The following GRIK2 variants were observed in gnomAD, a reference collection of about 807,000 sequenced individuals.
GRIK2 encodes the protein glutamate receptor ionotropic, kainate 2.
A neutral mutation model predicts 100.3 loss-of-function variants in GRIK2; 32 were observed. That is an observed-to-expected ratio of 0.32 (90% CI 0.24 to 0.43). The LOEUF is 0.43. Among genes scored for constraint, GRIK2 ranks in the 20% least tolerant of loss-of-function variants. The pLI is 1.00. For synonymous variants in GRIK2, 417 were observed against 389.4 expected (o/e 1.07, Z -0.83); for missense variants, 843 against 1,114.9 (o/e 0.76, Z 3.47).
chr6:101,475,938 A>C (rs1772205088), intron 2 of GRIK2, among the ~76,000 whole-genome samples: 1 of 152,064 alleles, frequency 6.6e-6, no homozygotes, highest in Non-Finnish European at 1.5e-5. Context: ...GATGCTAGGT[A>C]AATATATACA....
At chr6:101,846,250 G>C (rs1042834346) in intron 10 of GRIK2, among the ~76,000 whole-genome samples, 3 of 151,970 alleles carry the variant, frequency 2.0e-5, no homozygotes, top group Non-Finnish European at 4.4e-5. Flanking sequence ...AAATCATGAA[G>C]TCTTACCTAT....
rs1057455407 is a variant in GRIK2, at chr6:101,626,402, G to C, written c.306G>C (p.Gly102=). 66 of 1,612,762 alleles carry C rather than the reference G, an allele frequency of 4.1e-5. No homozygotes were observed. The highest frequency in any genetic ancestry group is 5.6e-5 in the Non-Finnish European group (66 of 1,179,738). ...SKKACDQLSL[G]VAAIFGPSHS... is the part of the protein sequence containing the mutation. ...CAGCCTGTGATCAGCTGTCTCTTGG[G>C]GTGGCTGCCATCTTCGGGCCTTCAC... The change falls in exon 4 of 17, where the codon GGG becomes GGC. Residue 102 remains glycine, a synonymous_variant. Transcript: ENST00000369134.
At chr6:102,031,118 CA>C (rs1562124534) in intron 14 of GRIK2, among the ~76,000 whole-genome samples, 41 of 130,026 alleles carry the variant, frequency 3.2e-4, no homozygotes, top group African/African-American at 1.1e-3. Flanking sequence ...CACACACACA[CA>C]CACACACACC....
Position 102,006,390 on chromosome 6 carries a change from A to ATATATATTTTTTTTT in GRIK2, c.2086-28950_2086-28949insATATATTTTTTTTTT, listed in dbSNP as rs1315524835. Reference sequence around the variant, plus strand: ...CTTTTATATATATATATATATATATATTTTTTTTTTTTTTGAGACATACAG... The same window carrying ATATATATTTTTTTTT: ...CTTTTATATATATATATATATATATATATATATTTTTTTTTTTTTTTTTTTTTTTGAGACATACAG... On this transcript the variant is annotated intron_variant, in intron 14 of 16. Transcript: ENST00000369134. 4.2e-4 allele frequency among the ~76,000 whole-genome samples: 48 copies of ATATATATTTTTTTTT among 114,094 alleles called. 1 individual carries two copies. Among genetic ancestry groups the ATATATATTTTTTTTT allele is most frequent in the African/African-American group, 1.5e-3 (32 of 21,908 alleles). The allele number at this position is 114,094 out of a possible 152,430, so 74.9% of individuals were successfully genotyped here. A position where few individuals can be genotyped will look rare whatever the true frequency, so the allele number is the denominator to read the frequency against.
Position 101,402,883 on chromosome 6 carries a change from T to G in GRIK2, c.115+3491T>G, listed in dbSNP as rs193184774. ...CGTCCCGGCCTTGCCCGCCCCAGGA[T>G]AGGGTGAAGGCGGGACTCTTCCGTC... On this transcript the variant is annotated intron_variant, in intron 2 of 16. Transcript: ENST00000369134. Among the ~76,000 whole-genome samples the G allele has an allele frequency of 6.8e-4, 103 of 152,276 alleles. 2 individuals carry two copies. The East Asian group carries it at 0.013, about 20-fold the overall frequency.
intron 7 of GRIK2, among the ~76,000 whole-genome samples, chr6:101,750,372 T>C (rs1776712032): frequency 6.6e-6 from 1 of 152,168 alleles, no homozygotes; most frequent in South Asian, 2.1e-4. Context: ...TTGTGATGTG[T>C]CCATGATGCT....
At chr6:101,797,632 T>C (rs1205406422) in intron 7 of GRIK2, among the ~76,000 whole-genome samples, 5 of 147,908 alleles carry the variant, frequency 3.4e-5, no homozygotes, top group African/African-American at 1.2e-4. Context: ...TCTGTACATA[T>C]ATTTATAAAG....
At chr6:102,040,400 C>A (rs1368605760) in intron 15 of GRIK2, among the ~76,000 whole-genome samples, 1 of 151,254 alleles carries the variant, frequency 6.6e-6, no homozygotes, top group Non-Finnish European at 1.5e-5. Context: ...ATTAATAATC[C>A]TCAAGTAACT....
intron 5 of GRIK2, 82 bp from the exon 6 acceptor site, chr6:101,682,471 A>C: frequency 1.4e-6 from 1 of 735,824 alleles, no homozygotes; most frequent in Non-Finnish European, 2.5e-6. Context: ...ATCACATCCT[A>C]CTATATTTTG....
intron 4 of GRIK2, among the ~76,000 whole-genome samples, chr6:101,670,659 G>T (rs1404282910): frequency 6.6e-6 from 1 of 152,058 alleles, no homozygotes; most frequent in East Asian, 1.9e-4. Context: ...CTTTGGCAAT[G>T]AGTTAATTTC....
chr6:101,604,513 G>A (rs1031052864), intron 2 of GRIK2, among the ~76,000 whole-genome samples: 1 of 151,840 alleles, frequency 6.6e-6, no homozygotes. Context: ...TTTAAGTGCT[G>A]TTGGAATTTA....
intron 14 of GRIK2, among the ~76,000 whole-genome samples, chr6:102,028,601 A>G (rs1769824287): frequency 6.6e-6 from 1 of 151,260 alleles, no homozygotes; most frequent in South Asian, 2.1e-4. Context: ...CATTTTTCTT[A>G]CAGTGCTTTT....
At chr6:101,464,586 G>A (rs552159371) in intron 2 of GRIK2, among the ~76,000 whole-genome samples, 1 of 125,856 alleles carries the variant, frequency 7.9e-6, no homozygotes, top group African/African-American at 3.0e-5. Context: ...GCACCATCTC[G>A]GCTCGCTGCA....
intron 4 of GRIK2, among the ~76,000 whole-genome samples, chr6:101,652,589 T>C (rs946026704): frequency 1.3e-5 from 2 of 152,062 alleles, no homozygotes; most frequent in Admixed American, 6.6e-5. Context: ...AGAAATGAAG[T>C]GATAGATGGC....
intron 14 of GRIK2, among the ~76,000 whole-genome samples, chr6:101,975,545 A>G (rs1248813957): frequency 6.6e-6 from 1 of 151,978 alleles, no homozygotes; most frequent in African/African-American, 2.4e-5. Context: ...AGAGGAATCC[A>G]TTGGACTTTC....
At chr6:101,708,650 T>A (rs1773501531) in intron 7 of GRIK2, among the ~76,000 whole-genome samples, 1 of 151,740 alleles carries the variant, frequency 6.6e-6, no homozygotes, top group Admixed American at 6.6e-5. Context: ...GAAGAATCTG[T>A]TTTTATATAT....
intron 14 of GRIK2, among the ~76,000 whole-genome samples, chr6:101,949,713 C>T (rs1037474935): frequency 2.0e-5 from 3 of 152,134 alleles, no homozygotes; most frequent in African/African-American, 7.2e-5. Flanking sequence ...CATAGTATTT[C>T]ATGGTGTATA....
At chr6:101,696,119 G>T (rs940811288) in intron 7 of GRIK2, among the ~76,000 whole-genome samples, 1 of 151,888 alleles carries the variant, frequency 6.6e-6, no homozygotes, top group Non-Finnish European at 1.5e-5. Flanking sequence ...ACACGTAACT[G>T]TAGATTGCAT....
intron 16 of GRIK2, among the ~76,000 whole-genome samples, chr6:102,056,910 T>G (rs529358906): frequency 6.6e-6 from 1 of 152,114 alleles, no homozygotes; most frequent in African/African-American, 2.4e-5. Flanking sequence ...TTTGAAGAAT[T>G]CAGAAAATAA....
Sources: gnomAD v4.1 joint callset for allele counts (sites outside exome capture counted in the v4.1 genomes callset) on GRCh38, gnomAD v4.1.1 for gene constraint, MANE v1.5 for transcripts, NCBI Gene and HGNC (gene_info 2026-07-23, HGNC 2026-07-21) for gene names.